The following PURG variants were observed in gnomAD, a reference collection of about 807,000 sequenced individuals.
PURG encodes purine rich element binding protein G.
In PURG, 3 loss-of-function variants were observed where a neutral mutation model predicts 24.3. The observed-to-expected ratio is 0.12, with a 90% CI of 0.06 to 0.32. The LOEUF (loss-of-function observed/expected upper bound fraction) is 0.32. PURG is among the 10% of genes least tolerant of loss of function. The pLI is 1.00. For synonymous variants in PURG, 180 were observed against 173.1 expected (o/e 1.04, Z -0.31); for missense variants, 371 against 439.1 (o/e 0.84, Z 1.39).
intron 1 of PURG, among the ~76,000 whole-genome samples, chr8:31,011,846 C>A (rs1186407561): frequency 6.6e-6 from 1 of 152,158 alleles, no homozygotes. Context: ...AGAGGAACAA[C>A]ATCACTTATC....
At chr8:31,010,517 A>G (rs1810742742) in intron 1 of PURG, among the ~76,000 whole-genome samples, 2 of 152,016 alleles carry the variant, frequency 1.3e-5, no homozygotes, top group Non-Finnish European at 2.9e-5. Context: ...AATGCATTTC[A>G]AAAAAACTCT....
chr8:31,013,400 G>C (rs1017409577), intron 1 of PURG, among the ~76,000 whole-genome samples: 4 of 152,086 alleles, frequency 2.6e-5, no homozygotes, highest in African/African-American at 9.7e-5. Flanking sequence ...TGAAGTAAAG[G>C]CTCAGAACTT....
At chr8:31,020,168 T>C (rs1345305918) in intron 1 of PURG, among the ~76,000 whole-genome samples, 1 of 152,158 alleles carries the variant, frequency 6.6e-6, no homozygotes, top group Non-Finnish European at 1.5e-5. Context: ...ATTCTATACG[T>C]ACAGAGAGGA....
intron 1 of PURG, among the ~76,000 whole-genome samples, chr8:31,014,749 A>G (rs1337685619): frequency 6.6e-6 from 1 of 152,220 alleles, no homozygotes; most frequent in African/African-American, 2.4e-5. Flanking sequence ...GAATGTAGAC[A>G]GGAAAAAGCC....
At chr8:31,001,127 T>C (rs1810527934) in intron 1 of PURG, among the ~76,000 whole-genome samples, 1 of 152,218 alleles carries the variant, frequency 6.6e-6, no homozygotes, top group Non-Finnish European at 1.5e-5. Flanking sequence ...TCCAACTATA[T>C]TTAGCTCACA....
chr8:31,009,384 C>T (rs2344123), intron 1 of PURG, among the ~76,000 whole-genome samples: 55,479 of 151,610 alleles, frequency 0.37, 12,530 homozygotes, highest in East Asian at 0.66. Flanking sequence ...TGAGATCGTG[C>T]CACTGCACTC....
chr8:31,031,478 G>A lies in PURG; in HGVS notation c.*261C>T. On this transcript the variant is annotated 3_prime_UTR_variant, in exon 2 of 2. Coordinates refer to ENST00000523392, the MANE Select transcript of PURG (RefSeq NM_001323311.2). ...AGAATGTCAGAATGTCACATTTTGT[G>A]CTGATTTGCATACTTCAATAGTCTG... 1.2e-5 allele frequency: 5 copies of A among 417,828 alleles called. No individual in the cohort carries two copies. The highest frequency in any genetic ancestry group is 1.7e-5 in the Non-Finnish European group (4 of 235,162). The allele number at this position is 417,828 out of a possible 1,614,324, so 25.9% of individuals were successfully genotyped here.
intron 1 of PURG, among the ~76,000 whole-genome samples, chr8:31,013,626 A>T (rs1810803291): frequency 6.6e-6 from 1 of 152,184 alleles, no homozygotes; most frequent in South Asian, 2.1e-4. Context: ...AATCCCAGTT[A>T]TTCAGGAGGC....
chr8:31,023,802 A>T (rs553695169), intron 1 of PURG, among the ~76,000 whole-genome samples: 1 of 152,298 alleles, frequency 6.6e-6, no homozygotes, highest in African/African-American at 2.4e-5. Flanking sequence ...AGCATAGGAT[A>T]TTGGACAGGA....
intron 1 of PURG, among the ~76,000 whole-genome samples, chr8:31,005,780 T>C (rs1256741227): frequency 6.7e-6 from 1 of 148,320 alleles, no homozygotes; most frequent in Non-Finnish European, 1.5e-5. Flanking sequence ...TCTTTTTTTT[T>C]TTTTTCATTT....
chr8:31,017,115 A>G (rs1810888006), intron 1 of PURG, among the ~76,000 whole-genome samples: 1 of 152,228 alleles, frequency 6.6e-6, no homozygotes, highest in Non-Finnish European at 1.5e-5. Flanking sequence ...TTTTAGAGCT[A>G]CAATGAAAAC....
At chr8:31,026,134 T>C (rs1202262066), downstream of PURG, among the ~76,000 whole-genome samples, 15 of 151,996 alleles carry the variant, frequency 9.9e-5, no homozygotes, top group Admixed American at 9.8e-4. Context: ...TCATTTGCTC[T>C]TATAAGGGCA....
At chr8:31,027,189 G>A (rs944153662), downstream of PURG, among the ~76,000 whole-genome samples, 7 of 151,680 alleles carry the variant, frequency 4.6e-5, no homozygotes, top group African/African-American at 7.2e-5. Flanking sequence ...TTTTCAGGCC[G>A]TGATAAATAT....
rs553560112 is a variant in PURG, at chr8:31,010,773, G to A, written c.865-14076C>T. Among the ~76,000 whole-genome samples the A allele has an allele frequency of 1.1e-3, 161 of 152,144 alleles. 1 individual carries two copies. The South Asian group carries it at 0.022, about 20-fold the overall frequency. On this transcript the variant is annotated intron_variant, in intron 1 of 1. Coordinates refer to the PURG transcript ENST00000339382. ...CTAATCTAAATCAGGAGTTTCATCAGGGTAAAATGAGGTATAATAGAAAAA... is the reference window on the plus strand; with the variant it reads ...CTAATCTAAATCAGGAGTTTCATCAAGGTAAAATGAGGTATAATAGAAAAA...
rs905009503 is a variant in PURG, at chr8:31,031,641, G to A, written c.*98C>T. On this transcript the variant is annotated 3_prime_UTR_variant, in exon 2 of 2. Transcript: ENST00000523392. ...TACTAGAGGTATTACTAATAACAACGGGCCAAAAAAGAGGAAAAACTTCTT... is the reference window on the plus strand; with the variant it reads ...TACTAGAGGTATTACTAATAACAACAGGCCAAAAAAGAGGAAAAACTTCTT... 3.6e-5 allele frequency: 42 copies of A among 1,156,286 alleles called. No homozygotes were observed. The highest frequency in any genetic ancestry group is 4.7e-5 in the African/African-American group (3 of 63,930). The allele number at this position is 1,156,286 out of a possible 1,614,324, so 71.6% of individuals were successfully genotyped here.
chr8:31,010,574 T>A (rs886931947), intron 1 of PURG, among the ~76,000 whole-genome samples: 21 of 152,202 alleles, frequency 1.4e-4, no homozygotes, highest in Admixed American at 1.1e-3. Context: ...AAATTTTGAT[T>A]TCAAGTTTAC....
chr8:31,028,567 C>T (rs1046008680), downstream of PURG, among the ~76,000 whole-genome samples: 1 of 151,794 alleles, frequency 6.6e-6, no homozygotes, highest in African/African-American at 2.4e-5. Context: ...CTTTTCCACC[C>T]TGTCATTTAT....
At chr8:31,006,396 G>A (rs535933947) in intron 1 of PURG, among the ~76,000 whole-genome samples, 1 of 152,034 alleles carries the variant, frequency 6.6e-6, no homozygotes, top group African/African-American at 2.4e-5. Flanking sequence ...AGATTGAGAC[G>A]AGCCATGGCC....
intron 1 of PURG, among the ~76,000 whole-genome samples, chr8:31,008,877 T>C (rs969589952): frequency 1.3e-5 from 2 of 152,170 alleles, no homozygotes; most frequent in Non-Finnish European, 2.9e-5. Context: ...ACTAGGCCAC[T>C]GAGATTGCCT....
Sources: allele counts gnomAD v4.1 joint callset (sites outside exome capture counted in the v4.1 genomes callset), GRCh38; gene constraint gnomAD v4.1.1; transcripts MANE v1.5; gene names NCBI Gene and HGNC (gene_info 2026-07-23, HGNC 2026-07-21).